Variants in NEO1 observed in about 807,000 individuals in gnomAD.
The protein encoded by NEO1 is neogenin 1, also known as neogenin.
Under a neutral mutation model 159.7 loss-of-function variants are expected in NEO1, and 63 were observed. The ratio of observed to expected loss-of-function variants is 0.39; its 90% confidence interval spans 0.32 to 0.49. The LOEUF (loss-of-function observed/expected upper bound fraction) is 0.49. Ranked by LOEUF, NEO1 falls within the 20% of genes least tolerant of loss-of-function variation. The pLI is 0.85. For synonymous variants in NEO1, 633 were observed against 662.0 expected (o/e 0.96, Z 0.67); for missense variants, 1,615 against 1,831.0 (o/e 0.88, Z 2.15).
chr15:73,200,318 C>A (rs1157104116), intron 7 of NEO1, among the ~76,000 whole-genome samples: 3 of 152,020 alleles, frequency 2.0e-5, no homozygotes, highest in African/African-American at 7.2e-5. Flanking sequence ...TGGTCGCTTA[C>A]ACCTATAATC....
chr15:73,054,351 G>T (rs2067603578), intron 1 of NEO1, among the ~76,000 whole-genome samples: 1 of 152,332 alleles, frequency 6.6e-6, no homozygotes, highest in South Asian at 2.1e-4. Flanking sequence ...AATGCAAGCA[G>T]TCTCAGGAAG....
chr15:73,073,137 A>G (rs542959291), intron 1 of NEO1, among the ~76,000 whole-genome samples: 14 of 152,324 alleles, frequency 9.2e-5, no homozygotes, highest in Non-Finnish European at 1.6e-4. Flanking sequence ...GAATTGAGAA[A>G]GATGGGTTAT....
At chr15:73,080,525 A>T (rs1595926809) in intron 1 of NEO1, among the ~76,000 whole-genome samples, 4 of 148,272 alleles carry the variant, frequency 2.7e-5, no homozygotes, top group African/African-American at 2.5e-5. Context: ...ATTTTTTTCC[A>T]TTTTTTTTTT....
At chr15:73,084,546 C>T (rs1165273100) in intron 1 of NEO1, among the ~76,000 whole-genome samples, 1 of 152,072 alleles carries the variant, frequency 6.6e-6, no homozygotes, top group African/African-American at 2.4e-5. Flanking sequence ...ATCCATTCAT[C>T]TGTTGATGGA....
chr15:73,280,421 T>A (rs2623995), intron 22 of NEO1, among the ~76,000 whole-genome samples: 3 of 152,170 alleles, frequency 2.0e-5, no homozygotes, highest in Admixed American at 6.5e-5. Flanking sequence ...TCCAGCTCAT[T>A]CGCAAGAGGT....
chr15:73,130,956 C>T (rs1466056025), intron 4 of NEO1, among the ~76,000 whole-genome samples: 1 of 152,170 alleles, frequency 6.6e-6, no homozygotes, highest in African/African-American at 2.4e-5. Context: ...GAACTCCCAA[C>T]CCTGCTAAGA....
At chr15:73,131,827 C>G (rs2031173188) in intron 4 of NEO1, among the ~76,000 whole-genome samples, 1 of 152,202 alleles carries the variant, frequency 6.6e-6, no homozygotes, top group Non-Finnish European at 1.5e-5. Context: ...TCCTCATCCT[C>G]CTCTATTTTC....
intron 7 of NEO1, among the ~76,000 whole-genome samples, chr15:73,222,920 T>A (rs2038373656): frequency 6.6e-6 from 1 of 152,234 alleles, no homozygotes. Flanking sequence ...TTTAGGGCTA[T>A]GAACTTTCCT....
At chr15:73,220,903 T>C (rs2038212495) in intron 7 of NEO1, among the ~76,000 whole-genome samples, 2 of 152,374 alleles carry the variant, frequency 1.3e-5, no homozygotes, top group East Asian at 3.9e-4. Flanking sequence ...AGTTTGATCG[T>C]CTGAAGCCTT....
At chr15:73,253,297 G>T (rs1340013800) in intron 11 of NEO1, 103 bp from the exon 12 acceptor site, 1 of 604,428 alleles carries the variant, frequency 1.7e-6, no homozygotes, top group Non-Finnish European at 2.8e-6. Flanking sequence ...CGTAATCAGT[G>T]TTTGAGATGT....
At chr15:73,247,147 A>C (rs2150924949) in intron 9 of NEO1, among the ~76,000 whole-genome samples, 1 of 152,354 alleles carries the variant, frequency 6.6e-6, no homozygotes, top group Non-Finnish European at 1.5e-5. Context: ...TGGAGAAGAG[A>C]CTATAACATG....
intron 18 of NEO1, among the ~76,000 whole-genome samples, chr15:73,271,231 T>A (rs1345862065): frequency 6.6e-6 from 1 of 152,198 alleles, no homozygotes; most frequent in Admixed American, 6.5e-5. Context: ...AGACCTTGAG[T>A]TTGCTTTCTT....
intron 1 of NEO1, among the ~76,000 whole-genome samples, chr15:73,098,221 G>A (rs796855043): frequency 6.6e-5 from 10 of 152,204 alleles, no homozygotes; most frequent in African/African-American, 2.2e-4. Flanking sequence ...TGGTTACTGG[G>A]TTCTTAAATT....
chr15:73,205,794 T>C (rs1405805412), intron 7 of NEO1, among the ~76,000 whole-genome samples: 1 of 152,214 alleles, frequency 6.6e-6, no homozygotes, highest in Non-Finnish European at 1.5e-5. Flanking sequence ...TCATTTTCAA[T>C]TTTCCAGCTT....
chr15:73,116,662 G>C lies in NEO1; in HGVS notation c.253G>C (p.Glu85Gln). Residue 85 changes from glutamate to glutamine, a missense_variant, in exon 2 of 29, where the codon GAA (glutamate) becomes CAA (glutamine). Glu to Gln is a conservative substitution (Grantham distance 29). Around this residue, in one of 3 missense-constraint regions of NEO1, gnomAD observed 1,018 missense variants for 1,115.4 expected, o/e 0.91. Coordinates refer to ENST00000261908, the MANE Select transcript of NEO1 (RefSeq NM_002499.4). ...SAYSEPSPKI[E>Q]WKKDGTFLNL... ...ATATTCTGAGCCTTCTCCAAAAATTGAATGGAAAAAAGATGGAACTTTTTT... is the reference window on the plus strand; with the variant it reads ...ATATTCTGAGCCTTCTCCAAAAATTCAATGGAAAAAAGATGGAACTTTTTT... 6.2e-7 allele frequency: 1 copy of C among 1,613,948 alleles called. No homozygotes were observed. The highest frequency in any genetic ancestry group is 8.5e-7 in the Non-Finnish European group (1 of 1,179,920).
intron 24 of NEO1, 61 bp downstream of exon 24, chr15:73,288,612 T>C (rs1013261148): frequency 4.8e-6 from 7 of 1,455,936 alleles, no homozygotes; most frequent in Non-Finnish European, 6.7e-6. Context: ...TTTAAATCTT[T>C]TTTTTTTTCC....
At chr15:73,141,537 G>T (rs1222768457) in intron 5 of NEO1, among the ~76,000 whole-genome samples, 1 of 152,084 alleles carries the variant, frequency 6.6e-6, no homozygotes, top group African/African-American at 2.4e-5. Flanking sequence ...TGTCTCCCGT[G>T]CCACCAAAAA....
In NEO1 at chr15:73,249,130, G is replaced by A; in HGVS notation, c.1677G>A (p.Trp559Ter). The A allele has an allele frequency of 1.2e-6, 2 of 1,614,014 alleles. No individual in the cohort carries two copies. Residue 559 changes from tryptophan (W) to a stop codon, truncating the protein, a stop_gained, in exon 10 of 29, where the codon TGG becomes TGA. Transcript: ENST00000261908. LOFTEE classifies it high-confidence loss of function. ...AASPTSITVT[W>*]ETPVSGNGEI... ...CGCCTACCTCCATCACTGTTACGTG[G>A]GAAACACCAGTGTCTGGCAATGGGG...
chr15:73,204,806 A>G (rs2037119522), intron 7 of NEO1, among the ~76,000 whole-genome samples: 1 of 152,128 alleles, frequency 6.6e-6, no homozygotes, highest in Non-Finnish European at 1.5e-5. Context: ...TTGGGGCATG[A>G]AAATATTATA....
Sources: gnomAD v4.1 joint callset for allele counts (sites outside exome capture counted in the v4.1 genomes callset) on GRCh38, gnomAD v4.1.1 for gene constraint, gnomAD v4.1.1 regional missense constraint, MANE v1.5 for transcripts, NCBI Gene and HGNC (gene_info 2026-07-23, HGNC 2026-07-21) for gene names.